The following RIC3 variants were observed in gnomAD, a reference collection of about 807,000 sequenced individuals.
RIC3 encodes protein RIC-3.
Under a neutral mutation model 27.3 loss-of-function variants are expected in RIC3, and 28 were observed. The observed-to-expected ratio is 1.02, with a 90% CI of 0.76 to 1.41. RIC3 has a LOEUF of 1.41. Among genes scored for constraint, RIC3 ranks in the 40% most tolerant of loss-of-function variants. The pLI is 0.00. For missense variants in RIC3, 501 were observed against 444.7 expected (o/e 1.13, Z -1.14); for synonymous variants, 184 against 160.4 (o/e 1.15, Z -1.11).
chr11:8,165,953 A>C (rs1447740647), intron 1 of RIC3, among the ~76,000 whole-genome samples: 1 of 151,996 alleles, frequency 6.6e-6, no homozygotes, highest in East Asian at 1.9e-4. Context: ...TAATTGAAAA[A>C]AAACAAACTT....
chr11:8,160,814 T>C (rs1391605982), intron 1 of RIC3, among the ~76,000 whole-genome samples: 1 of 152,192 alleles, frequency 6.6e-6, no homozygotes, highest in African/African-American at 2.4e-5. Flanking sequence ...ACCTAGGTCA[T>C]ACCAGGAACG....
downstream of RIC3, chr11:8,105,692 T>TACC (rs1201055769): frequency 6.7e-6 from 1 of 148,492 alleles, no homozygotes; most frequent in African/African-American, 2.6e-5. Flanking sequence ...CTTTCATCAC[T>TACC]ACCTTTATAG....
At chr11:8,154,209 T>A (rs2134164034) in intron 1 of RIC3, among the ~76,000 whole-genome samples, 1 of 152,298 alleles carries the variant, frequency 6.6e-6, no homozygotes, top group South Asian at 2.1e-4. Flanking sequence ...TGAAGTCCCT[T>A]GTGTACTTTT....
chr11:8,165,023 A>C (rs921125294), intron 1 of RIC3, among the ~76,000 whole-genome samples: 1 of 152,192 alleles, frequency 6.6e-6, no homozygotes, highest in Non-Finnish European at 1.5e-5. Flanking sequence ...AGTATTGACA[A>C]GAAACCAGAA....
At chr11:8,136,080 G>T (rs1440163941) in intron 4 of RIC3, among the ~76,000 whole-genome samples, 2 of 152,150 alleles carry the variant, frequency 1.3e-5, no homozygotes, top group East Asian at 3.9e-4. Flanking sequence ...CAGGCAAAAA[G>T]AAGGTCAAGG....
chr11:8,095,893 G>A, the RIC3 span, among the ~76,000 whole-genome samples: 1 of 152,224 alleles, frequency 6.6e-6, no homozygotes, highest in African/African-American at 2.4e-5. Context: ...TTGCTCCTTA[G>A]AAAAAGCTCC....
chr11:8,152,162 T>C (rs1485056184), intron 1 of RIC3, among the ~76,000 whole-genome samples: 2 of 152,176 alleles, frequency 1.3e-5, no homozygotes, highest in African/African-American at 4.8e-5. Flanking sequence ...TGTAAAATGG[T>C]GCAGCTGCTT....
intron 4 of RIC3, among the ~76,000 whole-genome samples, chr11:8,137,027 T>C (rs2133857399): frequency 6.6e-6 from 1 of 152,312 alleles, no homozygotes; most frequent in Non-Finnish European, 1.5e-5. Context: ...GAATTTTCTT[T>C]CCTTTTCTTT....
intron 2 of RIC3, chr11:8,139,636 ATTTTTTTTTTTTTT>A (rs72265360): frequency 1.0e-3 from 97 of 92,682 alleles, no homozygotes; most frequent in Middle Eastern, 6.0e-3. Context: ...AAAGATGTTA[ATTTTTTTTTTTTTT>A]TTTTTTTTTT....
At chr11:8,151,362 C>A (rs542843564) in intron 1 of RIC3, among the ~76,000 whole-genome samples, 1 of 151,566 alleles carries the variant, frequency 6.6e-6, no homozygotes, top group Non-Finnish European at 1.5e-5. Context: ...CCGAGACGGG[C>A]GGATCACGAG....
At chr11:8,113,040 C>A (rs1945443522) in intron 5 of RIC3, among the ~76,000 whole-genome samples, 2 of 152,230 alleles carry the variant, frequency 1.3e-5, no homozygotes, top group Admixed American at 1.3e-4. Flanking sequence ...CTCACCAGCA[C>A]TCACAGTAGT....
In RIC3 at chr11:8,117,075, T is replaced by A. The variant is rs1346725391; in HGVS notation, c.671-5938A>T. Among the ~76,000 whole-genome samples the A allele has an allele frequency of 1.4e-4, 22 of 152,286 alleles. 2 individuals carry two copies. Among genetic ancestry groups the A allele is most frequent in the African/African-American group, 5.3e-4 (22 of 41,562 alleles). ...ACACAACAGAATAGTACTTAGCATTTTTTTGTTTTTGGAGACGAGGTCTCA... is the reference window on the plus strand; with the variant it reads ...ACACAACAGAATAGTACTTAGCATTATTTTGTTTTTGGAGACGAGGTCTCA... On this transcript the variant is annotated intron_variant, in intron 5 of 5. Coordinates refer to ENST00000309737, the MANE Select transcript of RIC3 (RefSeq NM_001206671.4).
chr11:8,146,239 T>G (rs1949665091), intron 1 of RIC3, among the ~76,000 whole-genome samples: 1 of 152,176 alleles, frequency 6.6e-6, no homozygotes, highest in Admixed American at 6.5e-5. Flanking sequence ...TAGACATACC[T>G]ACAGCAACAT....
intron 2 of RIC3, chr11:8,138,556 G>C (rs1948673670): frequency 2.0e-6 from 1 of 502,782 alleles, no homozygotes; most frequent in Non-Finnish European, 3.5e-6. Context: ...AGTGTAAAAA[G>C]TAAAGTAGAG....
chr11:8,101,443 C>T, downstream of RIC3: 3 of 1,608,184 alleles, frequency 1.9e-6, no homozygotes, highest in South Asian at 2.2e-5. Flanking sequence ...TCTACCATTC[C>T]TGTCCTGTCC....
At chr11:8,162,525 C>A (rs1590408129) in intron 1 of RIC3, among the ~76,000 whole-genome samples, 1 of 151,928 alleles carries the variant, frequency 6.6e-6, no homozygotes, top group East Asian at 1.9e-4. Context: ...AAAACCCAAT[C>A]TCCTTAAGAA....
chr11:8,096,663 T>C, the RIC3 span: 68 of 1,505,130 alleles, frequency 4.5e-5, no homozygotes, highest in Middle Eastern at 8.6e-4. Context: ...CTTCATCCCT[T>C]CTTCTTCTCT....
chr11:8,167,214 C>T (rs903946974), intron 1 of RIC3, among the ~76,000 whole-genome samples: 2 of 152,036 alleles, frequency 1.3e-5, no homozygotes, highest in East Asian at 1.9e-4. Context: ...AAGACAAAGT[C>T]CCTACCCTTG....
intron 5 of RIC3, among the ~76,000 whole-genome samples, chr11:8,112,994 T>C (rs958623916): frequency 2.6e-5 from 4 of 152,248 alleles, no homozygotes; most frequent in African/African-American, 7.2e-5. Flanking sequence ...TTTTCAATCC[T>C]ACCAGTGATA....
Sources: allele counts gnomAD v4.1 joint callset (sites outside exome capture counted in the v4.1 genomes callset), GRCh38; gene constraint gnomAD v4.1.1; transcripts MANE v1.5; gene names NCBI Gene and HGNC (gene_info 2026-07-23, HGNC 2026-07-21).